The following MAVS variants were observed in gnomAD, a reference collection of about 807,000 sequenced individuals.
MAVS encodes mitochondrial antiviral signaling protein.
In MAVS, 20 loss-of-function variants were observed where a neutral mutation model predicts 30.2. That is an observed-to-expected ratio of 0.66 (90% CI 0.47 to 0.96). The LOEUF (loss-of-function observed/expected upper bound fraction) is 0.96. MAVS is among the 40% of genes least tolerant of loss of function. The probability of loss-of-function intolerance (pLI) is 0.00; values close to 1 mark genes in which losing one functional copy is unlikely to be tolerated. For missense variants in MAVS, 624 were observed against 701.1 expected (o/e 0.89, Z 1.24); for synonymous variants, 278 against 293.9 (o/e 0.95, Z 0.55).
intron 3 of MAVS, among the ~76,000 whole-genome samples, chr20:3,859,432 G>A (rs568742349): frequency 1.9e-4 from 29 of 151,786 alleles, no homozygotes; most frequent in South Asian, 1.3e-3. Flanking sequence ...TGCTTGAACC[G>A]GGGAGGTGGA....
Position 3,864,732 on chromosome 20 carries a change from G to A in MAVS, c.1102G>A (p.Val368Met), listed in dbSNP as rs574565815. Residue 368 changes from valine to methionine, a missense_variant, in exon 6 of 7, where the codon GTG becomes ATG. Physicochemically the swap from Val to Met is conservative, Grantham distance 21. Coordinates refer to ENST00000428216, the MANE Select transcript of MAVS (RefSeq NM_020746.5). Reference sequence around the variant, plus strand: ...GCCATCCAAAGTGCCTACTAGCATGGTGCTCACCAAGGTGTCTGCCAGCAC... The same window carrying A: ...GCCATCCAAAGTGCCTACTAGCATGATGCTCACCAAGGTGTCTGCCAGCAC... ...MVPSKVPTSM[V>M]LTKVSASTVP... is the part of the protein sequence containing the mutation. 4.3e-6 allele frequency: 7 copies of A among 1,614,102 alleles called. No homozygotes were observed. Among genetic ancestry groups the A allele is most frequent in the African/African-American group, 1.3e-5 (1 of 74,948 alleles).
chr20:3,850,143 A>T (rs951661883), intron 1 of MAVS, among the ~76,000 whole-genome samples: 1 of 151,494 alleles, frequency 6.6e-6, no homozygotes, highest in Admixed American at 6.6e-5. Flanking sequence ...CGAGCGTGGT[A>T]GCAGGCGCCT....
chr20:3,864,452 G>C lies in MAVS; in HGVS notation c.822G>C (p.Glu274Asp), dbSNP rs751895176. 1 of 1,613,996 alleles carries C rather than the reference G, an allele frequency of 6.2e-7. No individual in the cohort carries two copies. Among genetic ancestry groups the C allele is most frequent in the Non-Finnish European group, 8.5e-7 (1 of 1,180,014 alleles). The stretch of plus-strand genomic sequence containing the variant: ...CTGCAGAGGGTAAACAGGGTGCAGA[G>C]AGTGACCAGGCCGAGCCTATCATCT... ...AGAAEGKQGA[E>D]SDQAEPIICS... Residue 274 changes from glutamate to aspartate, a missense_variant, in exon 6 of 7, where the codon GAG becomes GAC. Physicochemically the swap from Glu to Asp is conservative, Grantham distance 45. Transcript: ENST00000428216.
intron 1 of MAVS, among the ~76,000 whole-genome samples, chr20:3,853,527 C>T (rs2089782680): frequency 6.6e-6 from 1 of 151,430 alleles, no homozygotes; most frequent in African/African-American, 2.4e-5. Flanking sequence ...GACACATTGG[C>T]TGGTGCTTGT....
At position 3,866,285 on chromosome 20, in the gene MAVS, G is replaced by C; in HGVS notation, c.*138G>C. 1.2e-6 allele frequency: 1 copy of C among 810,860 alleles called. No homozygotes were observed. The highest frequency in any genetic ancestry group is 1.9e-6 in the Non-Finnish European group (1 of 530,324). The allele number at this position is 810,860 out of a possible 1,614,324, so 50.2% of individuals were successfully genotyped here. ...GAGTTAAGGGACTGCAGGCCTGGCA[G>C]CAGGACATGCCTTGGCTGAACCAAG... is the stretch of plus-strand genomic sequence containing the variant. On this transcript the variant is annotated 3_prime_UTR_variant, in exon 7 of 7. Coordinates refer to ENST00000428216, the MANE Select transcript of MAVS (RefSeq NM_020746.5).
chr20:3,852,582 C>G (rs1184246983), intron 1 of MAVS, among the ~76,000 whole-genome samples: 1 of 152,082 alleles, frequency 6.6e-6, no homozygotes, highest in South Asian at 2.1e-4. Context: ...ACATACAGAT[C>G]CCCCCACCGC....
intron 5 of MAVS, among the ~76,000 whole-genome samples, chr20:3,863,003 G>A (rs1369957056): frequency 6.6e-6 from 1 of 152,198 alleles, no homozygotes; most frequent in Admixed American, 6.5e-5. Context: ...GGGTGGAGAT[G>A]AGCGAGATAA....
chr20:3,865,562 T>C lies in MAVS; in HGVS notation c.1159-121T>C. 2 of 926,326 alleles carry C rather than the reference T, an allele frequency of 2.2e-6. No homozygotes were observed. The highest frequency in any genetic ancestry group is 1.7e-5 in the South Asian group (1 of 57,466). The allele number at this position is 926,326 out of a possible 1,614,324, so 57.4% of individuals were successfully genotyped here. ...AAGAAAAGGTGGCCTAGGGGCATTATAGATTGGGAATTGAGGGGTTGGAGT... is the reference window on the plus strand; with the variant it reads ...AAGAAAAGGTGGCCTAGGGGCATTACAGATTGGGAATTGAGGGGTTGGAGT... On this transcript the variant is annotated intron_variant, in intron 6 of 6. Coordinates refer to ENST00000428216, the MANE Select transcript of MAVS (RefSeq NM_020746.5). This position sits in a 1 kb window ranked among gnomAD's most constrained non-coding sequence, Gnocchi z 4.7.
intron 2 of MAVS, among the ~76,000 whole-genome samples, chr20:3,855,888 C>T (rs150162917): frequency 0.016 from 2,496 of 152,108 alleles, 31 homozygotes; most frequent in South Asian, 0.049. Flanking sequence ...AAGTGATTCT[C>T]GCGCCTCAGC....
intron 3 of MAVS, 126 bp from the exon 4 acceptor site, chr20:3,861,206 C>A: frequency 1.2e-6 from 1 of 810,676 alleles, no homozygotes; most frequent in Non-Finnish European, 2.0e-6. Context: ...CTGTGTTAGC[C>A]AGGGTGGTCT....
Position 3,865,837 on chromosome 20 carries a change from A to C in MAVS, c.1313A>C (p.Asp438Ala). The C allele has an allele frequency of 6.2e-7, 1 of 1,613,982 alleles. No homozygotes were observed. The highest frequency in any genetic ancestry group is 8.5e-7 in the Non-Finnish European group (1 of 1,180,014). ...VDSPFSGCFE[D>A]LAISASTSLG... The stretch of plus-strand genomic sequence containing the variant: ...AGCCCGTTCTCGGGCTGCTTCGAGG[A>C]TCTTGCCATCAGTGCCAGCACCTCC... The change falls in exon 7 of 7, where the codon GAT becomes GCT. Residue 438 changes from aspartate (D) to alanine (A), a missense_variant. Coordinates refer to ENST00000428216, the MANE Select transcript of MAVS (RefSeq NM_020746.5). The surrounding 1 kb of genome is among the most constrained non-coding windows in gnomAD (Gnocchi z 4.7).
At chr20:3,847,799 T>C (rs910920998) in intron 1 of MAVS, among the ~76,000 whole-genome samples, 3 of 152,186 alleles carry the variant, frequency 2.0e-5, no homozygotes, top group African/African-American at 7.2e-5. Flanking sequence ...GCAAGGTGTA[T>C]GACCAGTTGC....
Position 3,864,291 on chromosome 20 carries a change from G to A in MAVS, c.661G>A (p.Val221Met). Reference protein sequence around the residue: ...TSSLTPSRGPVSPSVSFQPLA... With the variant: ...TSSLTPSRGPMSPSVSFQPLA... ...CAGCCTCACACCATCCCGTGGGCCT[G>A]TGTCTCCATCTGTCTCCTTCCAGCC... The change falls in exon 6 of 7, where the codon GTG becomes ATG. Residue 221 changes from valine (V) to methionine (M), a missense_variant. By Grantham distance (21) the Val-to-Met change is conservative. Coordinates refer to ENST00000428216, the MANE Select transcript of MAVS (RefSeq NM_020746.5). The A allele has an allele frequency of 6.2e-7, 1 of 1,612,876 alleles. No individual in the cohort carries two copies. The highest frequency in any genetic ancestry group is 8.5e-7 in the Non-Finnish European group (1 of 1,179,408).
intron 1 of MAVS, among the ~76,000 whole-genome samples, chr20:3,853,930 G>C (rs1048215356): frequency 3.4e-4 from 51 of 151,738 alleles, no homozygotes; most frequent in Non-Finnish European, 6.2e-4. Flanking sequence ...TGGGATTACA[G>C]GCATGCGCCA....
At chr20:3,856,540 C>T (rs1477693773) in intron 2 of MAVS, among the ~76,000 whole-genome samples, 2 of 151,432 alleles carry the variant, frequency 1.3e-5, no homozygotes, top group Non-Finnish European at 2.9e-5. Context: ...TTAGTAGAGA[C>T]GGACTTTCAC....
chr20:3,862,147 T>A, intron 4 of MAVS, 107 bp from the exon 5 acceptor site: 1 of 1,313,302 alleles, frequency 7.6e-7, no homozygotes, highest in Non-Finnish European at 1.0e-6. Flanking sequence ...GCTCCTGTGC[T>A]CCATGGTGTG....
chr20:3,859,147 C>CTCT (rs1478411376), intron 3 of MAVS, among the ~76,000 whole-genome samples: 3 of 151,328 alleles, frequency 2.0e-5, no homozygotes, highest in Admixed American at 1.3e-4. Flanking sequence ...TCCCTCCCTC[C>CTCT]CTTCCTCTCT....
chr20:3,856,384 C>G (rs1372285758), intron 2 of MAVS, among the ~76,000 whole-genome samples: 1 of 118,816 alleles, frequency 8.4e-6, no homozygotes, highest in Non-Finnish European at 1.6e-5. Flanking sequence ...GAGATGGAGT[C>G]TCGCTGTGTC....
intron 1 of MAVS, among the ~76,000 whole-genome samples, chr20:3,850,295 A>G (rs976758382): frequency 4.2e-5 from 6 of 144,188 alleles, no homozygotes; most frequent in East Asian, 2.1e-4. Flanking sequence ...AAAAAAAAAA[A>G]AAAAGAAATT....
Sources: allele counts gnomAD v4.1 joint callset (sites outside exome capture counted in the v4.1 genomes callset), GRCh38; gene constraint gnomAD v4.1.1; non-coding constraint Gnocchi (gnomAD v3.1); transcripts MANE v1.5; gene names NCBI Gene and HGNC (gene_info 2026-07-23, HGNC 2026-07-21).